The following TTLL5 variants were observed in gnomAD, a reference collection of about 807,000 sequenced individuals.
TTLL5 encodes tubulin tyrosine ligase like 5.
TTLL5 carries 132 observed loss-of-function variants against 168.4 expected under a neutral mutation model. That is an observed-to-expected ratio of 0.78 (90% CI 0.68 to 0.91). The LOEUF (loss-of-function observed/expected upper bound fraction) is 0.91. Among genes scored for constraint, TTLL5 ranks in the 40% least tolerant of loss-of-function variants. The pLI is 0.00. For synonymous variants in TTLL5, 546 were observed against 558.6 expected, an observed-to-expected ratio of 0.98 and a Z score of 0.32; for missense variants, 1,545 against 1,581.5, an observed-to-expected ratio of 0.98 and a Z score of 0.39.
Position 75,943,227 on chromosome 14 carries a change from T to C in TTLL5, c.3824-11197T>C, listed in dbSNP as rs1284192648. Reference sequence around the variant, plus strand: ...CTGGATCACCAGGCAGGAGTTAGGATTGAAGTGACTCTGTACCCGAATTAT... The same window carrying C: ...CTGGATCACCAGGCAGGAGTTAGGACTGAAGTGACTCTGTACCCGAATTAT... On this transcript the variant is annotated intron_variant, in intron 31 of 31. Coordinates refer to ENST00000298832, the MANE Select transcript of TTLL5 (RefSeq NM_015072.5). 3.9e-5 allele frequency among the ~76,000 whole-genome samples: 6 copies of C among 152,254 alleles called. No homozygotes were observed. In the East Asian group the frequency reaches 9.7e-4, roughly 25 times the overall value.
At chr14:75,932,271 G>C (rs773372282) in intron 31 of TTLL5, among the ~76,000 whole-genome samples, 5 of 152,128 alleles carry the variant, frequency 3.3e-5, no homozygotes, top group Non-Finnish European at 7.3e-5. Context: ...GAACTTTGGG[G>C]TTGGGAGGAA....
chr14:75,793,060 A>G lies in TTLL5; in HGVS notation c.3131A>G (p.Gln1044Arg), dbSNP rs1003579033. The change falls in exon 27 of 32, where the codon CAG (glutamine) becomes CGG (arginine). Residue 1044 changes from glutamine (Q) to arginine (R), a missense_variant. Gln to Arg is a conservative substitution (Grantham distance 43). Transcript: ENST00000298832. ...CTAGCTGAGAAGCAGGCAGCGAGACAGTATTCTCCATCCAGCCACATCAAC... is the reference window on the plus strand; with the variant it reads ...CTAGCTGAGAAGCAGGCAGCGAGACGGTATTCTCCATCCAGCCACATCAAC... ...QRLAEKQAAR[Q>R]YSPSSHINLL... 6.2e-7 allele frequency: 1 copy of G among 1,613,634 alleles called. No homozygotes were observed. Among genetic ancestry groups the G allele is most frequent in the Non-Finnish European group, 8.5e-7 (1 of 1,179,684 alleles).
chr14:75,775,524 T>G lies in TTLL5; in HGVS notation c.2177T>G (p.Leu726Arg). The change falls in exon 22 of 32, where the codon CTC becomes CGC. Residue 726 changes from leucine to arginine, a missense_variant. Physicochemically the swap from Leu to Arg is moderately radical, Grantham distance 102. Coordinates refer to ENST00000298832, the MANE Select transcript of TTLL5 (RefSeq NM_015072.5). ...VRFLKRASNN[L>R]QHSLRMVLPS... ...TTCCTCAAGCGAGCATCAAATAACC[T>G]CCAGCATTCACTGAGGATGGTATTA... 6.2e-7 allele frequency: 1 copy of G among 1,613,974 alleles called. No homozygotes were observed. Among genetic ancestry groups the G allele is most frequent in the Non-Finnish European group, 8.5e-7 (1 of 1,179,956 alleles).
chr14:75,891,189 T>C (rs2032385341), intron 30 of TTLL5, among the ~76,000 whole-genome samples: 1 of 152,226 alleles, frequency 6.6e-6, no homozygotes, highest in Admixed American at 6.5e-5. Flanking sequence ...TCCCATTCTT[T>C]GTTCCTACAT....
At chr14:75,719,604 G>A (rs1887714967) in intron 10 of TTLL5, 131 bp from the exon 11 acceptor site, 1 of 658,446 alleles carries the variant, frequency 1.5e-6, no homozygotes, top group South Asian at 2.7e-5. Context: ...GAAAAAATGA[G>A]TAACTGGAAG....
At chr14:75,726,883 A>G (rs1208671368) in intron 12 of TTLL5, among the ~76,000 whole-genome samples, 3 of 152,180 alleles carry the variant, frequency 2.0e-5, no homozygotes, top group Non-Finnish European at 2.9e-5. Context: ...AACTTTTATC[A>G]TAATTTAATC....
chr14:75,832,595 C>T (rs773287201), intron 28 of TTLL5, among the ~76,000 whole-genome samples: 2 of 152,156 alleles, frequency 1.3e-5, no homozygotes, highest in East Asian at 1.9e-4. Flanking sequence ...CATGGGAATT[C>T]GATGAGATCC....
In TTLL5 at chr14:75,937,898, G is replaced by A. The variant is rs144638065; in HGVS notation, c.3824-16526G>A. On this transcript the variant is annotated intron_variant, in intron 31 of 31. Transcript: ENST00000298832. ...AGAAGTGGAATTGCTGGATTGTATG[G>A]TAATTCTGTTTTTAATTTTTTGAGG... 5.6e-3 allele frequency among the ~76,000 whole-genome samples: 851 copies of A among 152,224 alleles called. 14 individuals carry two copies. Among genetic ancestry groups the A allele is most frequent in the South Asian group, 0.027 (128 of 4,822 alleles).
chr14:75,683,345 T>C (rs779471890), intron 4 of TTLL5, among the ~76,000 whole-genome samples: 4 of 152,244 alleles, frequency 2.6e-5, no homozygotes, highest in Non-Finnish European at 5.9e-5. Context: ...AGTTTCTGCA[T>C]CGGGGATTTG....
chr14:75,839,007 G>C (rs1896054175), intron 28 of TTLL5: 1 of 152,890 alleles, frequency 6.5e-6, no homozygotes, highest in African/African-American at 2.4e-5. Context: ...TCACCTGTGA[G>C]AGGGTGTCCC....
intron 28 of TTLL5, chr14:75,835,520 A>G (rs1327793010): frequency 6.6e-6 from 1 of 152,142 alleles, no homozygotes; most frequent in African/African-American, 2.4e-5. Flanking sequence ...TTGCAAATGG[A>G]CTCTGCTCTA....
At chr14:75,662,397 T>C (rs892905946) in intron 1 of TTLL5, among the ~76,000 whole-genome samples, 10 of 151,612 alleles carry the variant, frequency 6.6e-5, no homozygotes, top group African/African-American at 2.4e-4. Context: ...CGATCTTGGC[T>C]CACCGCAACC....
At position 75,887,968 on chromosome 14, in the gene TTLL5, G is replaced by T. The variant is rs144392441; in HGVS notation, c.3740+5066G>T. 9.3e-4 allele frequency among the ~76,000 whole-genome samples: 141 copies of T among 152,288 alleles called. 3 individuals are homozygous for T. In the East Asian group the frequency reaches 0.025, roughly 27 times the overall value. On this transcript the variant is annotated intron_variant, in intron 30 of 31. Transcript: ENST00000298832. The stretch of plus-strand genomic sequence containing the variant: ...ACTGGATTGAAGAACAACATGGAGG[G>T]CTTTTGTATAGTGTCTTCTGGGAGA...
chr14:75,911,748 A>C (rs1005533983), intron 31 of TTLL5, among the ~76,000 whole-genome samples: 1 of 152,234 alleles, frequency 6.6e-6, no homozygotes, highest in Admixed American at 6.5e-5. Context: ...GTTTTTAATC[A>C]GATACTGGAA....
chr14:75,681,776 G>A (rs1355318579), intron 4 of TTLL5, 149 bp downstream of exon 4: 1 of 640,292 alleles, frequency 1.6e-6, no homozygotes, highest in Admixed American at 2.8e-5. Context: ...GAATTTTGGA[G>A]TGGCTTTACC....
intron 30 of TTLL5, chr14:75,886,786 C>G: frequency 6.3e-7 from 1 of 1,593,634 alleles, no homozygotes; most frequent in Non-Finnish European, 8.5e-7. Context: ...CTACAAACAA[C>G]TACATGCATC....
At chr14:75,745,449 T>C in intron 16 of TTLL5, 41 bp from the exon 17 acceptor site, 1 of 1,601,990 alleles carries the variant, frequency 6.2e-7, no homozygotes, top group Non-Finnish European at 8.6e-7. Context: ...TGGACTCCGG[T>C]TTTCAAAATA....
At chr14:75,818,457 A>G in intron 27 of TTLL5, 1 of 398,942 alleles carries the variant, frequency 2.5e-6, no homozygotes. Flanking sequence ...TTGAGATATT[A>G]GCGTGTTCCT....
chr14:75,866,696 C>T (rs2139961435), intron 29 of TTLL5, among the ~76,000 whole-genome samples: 1 of 152,284 alleles, frequency 6.6e-6, no homozygotes, highest in South Asian at 2.1e-4. Context: ...GTGTTAATTT[C>T]TGCTTAAACT....
Sources: allele counts gnomAD v4.1 joint callset (sites outside exome capture counted in the v4.1 genomes callset), GRCh38; gene constraint gnomAD v4.1.1; transcripts MANE v1.5; gene names NCBI Gene and HGNC (gene_info 2026-07-23, HGNC 2026-07-21).